SPATA13: variants seen among roughly 807,000 people sequenced by gnomAD.
SPATA13 encodes spermatogenesis-associated protein 13.
Under a neutral mutation model 104.0 loss-of-function variants are expected in SPATA13, and 50 were observed. The observed-to-expected ratio is 0.48, with a 90% CI of 0.38 to 0.61. The LOEUF (loss-of-function observed/expected upper bound fraction) is 0.61, where lower values mean the gene tolerates loss of function less well. Among genes scored for constraint, SPATA13 ranks in the 20% least tolerant of loss-of-function variants. SPATA13 has a pLI of 0.00. For synonymous variants in SPATA13, 606 were observed against 667.5 expected, an observed-to-expected ratio of 0.91 and a Z score of 1.42; for missense variants, 1,524 against 1,690.6, an observed-to-expected ratio of 0.90 and a Z score of 1.73.
At chr13:24,196,382 T>C (rs1053353285) in intron 1 of SPATA13, among the ~76,000 whole-genome samples, 3 of 152,216 alleles carry the variant, frequency 2.0e-5, no homozygotes, top group Admixed American at 2.0e-4. Flanking sequence ...ATACCTATTT[T>C]TAGTATGTAA....
At chr13:24,038,281 A>C (rs1475767441) in intron 3 of SPATA13, among the ~76,000 whole-genome samples, 1 of 152,204 alleles carries the variant, frequency 6.6e-6, no homozygotes, top group African/African-American at 2.4e-5. Context: ...AATATCTGCT[A>C]TAATGGGATC....
intron 3 of SPATA13, among the ~76,000 whole-genome samples, chr13:24,080,552 C>A (rs1477143156): frequency 6.6e-6 from 1 of 152,196 alleles, no homozygotes; most frequent in Non-Finnish European, 1.5e-5. Context: ...GGAAGTCAAG[C>A]CAGTCAGGCT....
chr13:24,088,648 T>C lies in SPATA13; in HGVS notation c.-112+70947T>C, dbSNP rs1341627553. On this transcript the variant is annotated intron_variant, in intron 3 of 14. Transcript: ENST00000424834. The surrounding 1 kb of genome is among the most constrained non-coding windows in gnomAD (Gnocchi z 4.3). ...TCTTTCCCAAAATGGAATAAAAAAA[T>C]CAAAGCTCAGAATCACTGCCTTCCA... 2.0e-5 allele frequency among the ~76,000 whole-genome samples: 3 copies of C among 152,152 alleles called. No individual in the cohort carries two copies. Among genetic ancestry groups the C allele is most frequent in the African/African-American group, 7.2e-5 (3 of 41,432 alleles).
chr13:24,087,700 A>G (rs1472001610), intron 3 of SPATA13, among the ~76,000 whole-genome samples: 2 of 152,176 alleles, frequency 1.3e-5, no homozygotes, highest in Non-Finnish European at 1.5e-5. Context: ...ACGCTTCTCT[A>G]GGTCACAGAA....
chr13:24,253,842 G>A (rs1009116701), intron 4 of SPATA13, among the ~76,000 whole-genome samples: 1 of 152,112 alleles, frequency 6.6e-6, no homozygotes, highest in Non-Finnish European at 1.5e-5. Context: ...CAGCAAGGAG[G>A]CCACAGTGAC....
intron 3 of SPATA13, among the ~76,000 whole-genome samples, chr13:24,098,120 A>T (rs1880141608): frequency 6.6e-6 from 1 of 152,240 alleles, no homozygotes; most frequent in Admixed American, 6.5e-5. Flanking sequence ...TTCACTAAAA[A>T]GGGAGTTTTT....
intron 3 of SPATA13, among the ~76,000 whole-genome samples, chr13:24,045,638 A>G (rs1194529113): frequency 6.6e-6 from 1 of 152,252 alleles, no homozygotes; most frequent in African/African-American, 2.4e-5. Context: ...ATCAGTCCTC[A>G]AGGGAAGTCG....
At chr13:23,986,238 A>G (rs1875144833) in intron 2 of SPATA13, among the ~76,000 whole-genome samples, 1 of 152,212 alleles carries the variant, frequency 6.6e-6, no homozygotes, top group South Asian at 2.1e-4. Flanking sequence ...CAAATTCCAA[A>G]CAAGCAAAAT....
chr13:24,059,810 C>T (rs1275689673), intron 3 of SPATA13, among the ~76,000 whole-genome samples: 1 of 152,150 alleles, frequency 6.6e-6, no homozygotes, highest in Non-Finnish European at 1.5e-5. Flanking sequence ...AGTTTAACTT[C>T]CTCTTTTCCT....
intron 1 of SPATA13, among the ~76,000 whole-genome samples, chr13:24,201,031 T>TCACACACACA (rs10529866): frequency 6.7e-6 from 1 of 150,296 alleles, no homozygotes; most frequent in African/African-American, 2.5e-5. Context: ...AGCTAGTCAG[T>TCACACACACA]CACACACACA....
intron 3 of SPATA13, among the ~76,000 whole-genome samples, chr13:24,154,230 T>C (rs774147403): frequency 6.6e-6 from 1 of 152,194 alleles, no homozygotes; most frequent in Non-Finnish European, 1.5e-5. Context: ...TGATTTTTTT[T>C]CCACTAAAAG....
chr13:24,058,045 G>A (rs567431923), intron 3 of SPATA13, among the ~76,000 whole-genome samples: 8 of 151,940 alleles, frequency 5.3e-5, no homozygotes, highest in Admixed American at 2.6e-4. Flanking sequence ...TACACCCAAC[G>A]CAAGATGAGC....
chr13:24,179,476 A>G (rs1868655610), intron 1 of SPATA13, among the ~76,000 whole-genome samples: 1 of 152,232 alleles, frequency 6.6e-6, no homozygotes, highest in Admixed American at 6.5e-5. Flanking sequence ...ATAAAACATA[A>G]ACTTTACCAT....
chr13:23,981,707 T>C (rs1225113319), intron 1 of SPATA13, among the ~76,000 whole-genome samples: 1 of 152,192 alleles, frequency 6.6e-6, no homozygotes, highest in Non-Finnish European at 1.5e-5. Context: ...CTCAGAGAAG[T>C]GCGGTGATAA....
At chr13:24,271,366 A>G (rs1874599190) in intron 4 of SPATA13, among the ~76,000 whole-genome samples, 1 of 152,140 alleles carries the variant, frequency 6.6e-6, no homozygotes, top group Non-Finnish European at 1.5e-5. Flanking sequence ...GGTGTGTATA[A>G]GAATGTTTCT....
intron 3 of SPATA13, among the ~76,000 whole-genome samples, chr13:24,024,705 A>G (rs1286139484): frequency 6.7e-6 from 1 of 150,352 alleles, no homozygotes; most frequent in South Asian, 2.1e-4. Context: ...TATATTATAT[A>G]TATGTTATAT....
At position 24,305,182 on chromosome 13, in the gene SPATA13, G is replaced by T. The variant is rs1877496223; in HGVS notation, c.*2409G>T. On this transcript the variant is annotated 3_prime_UTR_variant, in exon 13 of 13. Coordinates refer to ENST00000382108, the MANE Select transcript of SPATA13 (RefSeq NM_001166271.3). Reference sequence around the variant, plus strand: ...TTTATTCATGGGTAATGAAGAAATGGTTTGCATTTTGTGGCCAGTCCTAAT... The same window carrying T: ...TTTATTCATGGGTAATGAAGAAATGTTTTGCATTTTGTGGCCAGTCCTAAT... 6.6e-6 allele frequency: 1 copy of T among 152,050 alleles called. No individual in the cohort carries two copies. Among genetic ancestry groups the T allele is most frequent in the Non-Finnish European group, 1.5e-5 (1 of 67,970 alleles). 9.4% of individuals were successfully genotyped at this position (152,050 alleles called of 1,614,324 possible).
At chr13:24,069,958 G>A (rs1432116391) in intron 3 of SPATA13, among the ~76,000 whole-genome samples, 1 of 152,208 alleles carries the variant, frequency 6.6e-6, no homozygotes, top group African/African-American at 2.4e-5. Context: ...CTCTGGGAGG[G>A]CATTCCTATC....
intron 3 of SPATA13, among the ~76,000 whole-genome samples, chr13:24,105,496 G>C (rs1400181658): frequency 6.6e-6 from 1 of 150,684 alleles, no homozygotes; most frequent in Admixed American, 6.6e-5. Flanking sequence ...AGTCATTCTG[G>C]GATTGCCAGC....
Sources: gnomAD v4.1 joint callset for allele counts (sites outside exome capture counted in the v4.1 genomes callset) on GRCh38, gnomAD v4.1.1 for gene constraint, Gnocchi (gnomAD v3.1) non-coding constraint, MANE v1.5 for transcripts, NCBI Gene and HGNC (gene_info 2026-07-23, HGNC 2026-07-21) for gene names.